The following TTLL3 variants were observed in gnomAD, a reference collection of about 807,000 sequenced individuals.
TTLL3 encodes the protein tubulin monoglycylase TTLL3.
In TTLL3, 63 loss-of-function variants were observed where a neutral mutation model predicts 75.2. The observed-to-expected ratio is 0.84, with a 90% CI of 0.68 to 1.03. The LOEUF (loss-of-function observed/expected upper bound fraction) is 1.03, where lower values mean the gene tolerates loss of function less well. TTLL3 is among the 50% of genes least tolerant of loss of function. TTLL3 has a pLI of 0.00. For missense variants in TTLL3, 997 were observed against 1,069.9 expected (o/e 0.93, Z 0.95); for synonymous variants, 393 against 418.5 (o/e 0.94, Z 0.74).
intron 7 of TTLL3, chr3:9,819,811 A>G (rs1308912538): frequency 4.1e-6 from 4 of 985,412 alleles, no homozygotes; most frequent in Non-Finnish European, 4.8e-6. Context: ...TGTGTGTGTC[A>G]TGCACAAGGA....
chr3:9,831,276 T>G (rs764025184), intron 11 of TTLL3, among the ~76,000 whole-genome samples: 16 of 152,222 alleles, frequency 1.1e-4, no homozygotes, highest in Non-Finnish European at 1.9e-4. Context: ...TTTGTAGAAC[T>G]GTCCCACATT....
At chr3:9,831,632 T>C (rs1034299041) in intron 11 of TTLL3, among the ~76,000 whole-genome samples, 2 of 152,232 alleles carry the variant, frequency 1.3e-5, no homozygotes, top group Non-Finnish European at 2.9e-5. Flanking sequence ...CTAATTGTTT[T>C]GATACCAGTT....
chr3:9,820,816 C>G, intron 8 of TTLL3, 75 bp downstream of exon 8: 3 of 1,549,770 alleles, frequency 1.9e-6, no homozygotes, highest in Non-Finnish European at 2.6e-6. Flanking sequence ...TCGTGCAGCC[C>G]CTACCCCTTC....
chr3:9,809,785 G>C (rs1017101717), upstream of TTLL3: 1 of 379,262 alleles, frequency 2.6e-6, no homozygotes. Flanking sequence ...AGGTCATAAG[G>C]AAGCCCTCGC....
chr3:9,829,486 C>G (rs1004031680), intron 11 of TTLL3, 91 bp downstream of exon 11: 43 of 1,459,798 alleles, frequency 2.9e-5, no homozygotes, highest in Admixed American at 2.0e-4. Context: ...GCAGTCAGAC[C>G]CAGTTTAAGA....
intron 4 of TTLL3, among the ~76,000 whole-genome samples, chr3:9,814,538 C>G (rs554574774): frequency 3.2e-4 from 48 of 152,030 alleles, no homozygotes; most frequent in African/African-American, 1.1e-3. Flanking sequence ...ATCACAGCTA[C>G]TTGGGAGGCT....
intron 12 of TTLL3, 156 bp from the exon 13 acceptor site, chr3:9,834,523 GTT>G: frequency 8.2e-7 from 1 of 1,217,914 alleles, no homozygotes; most frequent in Non-Finnish European, 1.2e-6. Context: ...ACTCTACCCT[GTT>G]TTCTTCTCAC....
intron 10 of TTLL3, chr3:9,827,562 ATT>A (rs2124937706): frequency 3.5e-6 from 1 of 289,104 alleles, no homozygotes; most frequent in South Asian, 4.5e-5. Context: ...ACCACAGCTG[ATT>A]TTTAAGTTTT....
In TTLL3 at chr3:9,810,830, T is replaced by A; in HGVS notation, c.48+121T>A. On this transcript the variant is annotated intron_variant, in intron 2 of 13. Transcript: ENST00000685419. The surrounding 1 kb of genome is among the most constrained non-coding windows in gnomAD (Gnocchi z 4.4). The stretch of plus-strand genomic sequence containing the variant: ...AAAGAAAAAACAATAGCAAAAATCC[T>A]CAACCACCACACCCATCTTCAACTA... 1 of 956,434 alleles carries A rather than the reference T, an allele frequency of 1.0e-6. No individual in the cohort carries two copies. The highest frequency in any genetic ancestry group is 1.5e-6 in the Non-Finnish European group (1 of 655,334). The allele number at this position is 956,434 out of a possible 1,614,324, so 59.2% of individuals were successfully genotyped here.
intron 8 of TTLL3, among the ~76,000 whole-genome samples, chr3:9,821,717 A>G (rs1416678411): frequency 6.6e-6 from 1 of 152,208 alleles, no homozygotes; most frequent in Non-Finnish European, 1.5e-5. Flanking sequence ...AGAATTATCA[A>G]GGTGGCCAAG....
chr3:9,827,404 ATT>A, intron 10 of TTLL3, 164 bp downstream of exon 10: 3 of 1,308,890 alleles, frequency 2.3e-6, no homozygotes, highest in African/African-American at 1.5e-5. Flanking sequence ...CATCCAACAG[ATT>A]TTTTTTTAAC....
chr3:9,831,750 A>G (rs1326784961), intron 11 of TTLL3, among the ~76,000 whole-genome samples: 2 of 150,672 alleles, frequency 1.3e-5, no homozygotes, highest in Non-Finnish European at 2.9e-5. Flanking sequence ...ACTTTCCCTC[A>G]TCATCTGGGG....
At chr3:9,815,054 A>G (rs2079705751) in intron 4 of TTLL3, among the ~76,000 whole-genome samples, 1 of 151,832 alleles carries the variant, frequency 6.6e-6, no homozygotes, top group African/African-American at 2.4e-5. Context: ...CCTGGGGAAC[A>G]TGGTGAAACC....
At chr3:9,834,410 T>C (rs2081896110) in intron 12 of TTLL3, 1 of 646,246 alleles carries the variant, frequency 1.5e-6, no homozygotes, top group Non-Finnish European at 2.9e-6. Flanking sequence ...GTAGGTGCTA[T>C]TATCCCCATT....
chr3:9,824,514 G>C (rs1009550551), intron 8 of TTLL3, among the ~76,000 whole-genome samples: 1 of 152,072 alleles, frequency 6.6e-6, no homozygotes, highest in South Asian at 2.1e-4. Context: ...GGCTTGAAGT[G>C]ATTCTCCTGC....
At chr3:9,816,740 A>G (rs975266245) in intron 5 of TTLL3, among the ~76,000 whole-genome samples, 1 of 151,620 alleles carries the variant, frequency 6.6e-6, no homozygotes, top group Non-Finnish European at 1.5e-5. Context: ...CAGGTGATCC[A>G]CCTGCTTCAG....
At chr3:9,812,365 A>G (rs145299497) in intron 2 of TTLL3, among the ~76,000 whole-genome samples, 6,948 of 152,228 alleles carry the variant, frequency 0.046, 267 homozygotes, top group East Asian at 0.092. Context: ...AAATACAAAA[A>G]TTAGCCGGGC....
chr3:9,813,153 C>G, intron 3 of TTLL3, 42 bp downstream of exon 3: 3 of 1,601,698 alleles, frequency 1.9e-6, no homozygotes, highest in Non-Finnish European at 2.6e-6. Flanking sequence ...GCTCCTGAGT[C>G]CTTTTCCTTT....
At chr3:9,809,931 T>A, upstream of TTLL3, 1 of 171,940 alleles carries the variant, frequency 5.8e-6, no homozygotes, top group Non-Finnish European at 8.9e-6. Context: ...AGGCAGGAAC[T>A]TCCCGGGAGA....
Sources: allele counts gnomAD v4.1 joint callset (sites outside exome capture counted in the v4.1 genomes callset), GRCh38; gene constraint gnomAD v4.1.1; non-coding constraint Gnocchi (gnomAD v3.1); transcripts MANE v1.5; gene names NCBI Gene and HGNC (gene_info 2026-07-23, HGNC 2026-07-21).